Variants in PRUNE2 observed in about 807,000 individuals in gnomAD.
PRUNE2 encodes the protein prune homolog 2 with BCH domain, also known as protein prune homolog 2.
A neutral mutation model predicts 252.0 loss-of-function variants in PRUNE2; 164 were observed. That is an observed-to-expected ratio of 0.65 (90% CI 0.57 to 0.74). The LOEUF is 0.74. Among genes scored for constraint, PRUNE2 ranks in the 30% least tolerant of loss-of-function variants. The pLI is 0.00. For missense variants in PRUNE2, 3,495 were observed against 3,711.0 expected (o/e 0.94, Z 1.51); for synonymous variants, 1,292 against 1,350.2 (o/e 0.96, Z 0.94).
At chr9:76,793,855 A>C (rs1339378282) in intron 6 of PRUNE2, among the ~76,000 whole-genome samples, 2 of 152,128 alleles carry the variant, frequency 1.3e-5, no homozygotes, top group Non-Finnish European at 2.9e-5. Flanking sequence ...TTTAATTCCC[A>C]TTTCATAGTT....
intron 3 of PRUNE2, among the ~76,000 whole-genome samples, chr9:76,849,804 C>T (rs963799929): frequency 2.6e-5 from 4 of 151,568 alleles, no homozygotes; most frequent in Non-Finnish European, 4.4e-5. Flanking sequence ...CCAGCCTGGG[C>T]GAGAGATCGA....
chr9:76,694,182 T>C (rs1480718467), intron 9 of PRUNE2, among the ~76,000 whole-genome samples: 1 of 147,552 alleles, frequency 6.8e-6, no homozygotes, highest in African/African-American at 2.7e-5. Context: ...TTTGTTTCGT[T>C]TTTTTTTTGA....
chr9:76,659,242 A>G (rs1850373255), intron 9 of PRUNE2, among the ~76,000 whole-genome samples: 2 of 152,190 alleles, frequency 1.3e-5, no homozygotes, highest in African/African-American at 4.8e-5. Flanking sequence ...GCTGGCCTTT[A>G]TTGTTTCAAA....
intron 6 of PRUNE2, among the ~76,000 whole-genome samples, chr9:76,756,878 T>C (rs767835459): frequency 3.0e-4 from 43 of 141,108 alleles, no homozygotes; most frequent in Admixed American, 3.6e-4. Flanking sequence ...TAAACTGCAG[T>C]ATTTGCAGCA....
intron 6 of PRUNE2, among the ~76,000 whole-genome samples, chr9:76,727,435 C>T (rs1006691126): frequency 6.6e-6 from 1 of 152,102 alleles, no homozygotes; most frequent in African/African-American, 2.4e-5. Context: ...TTTCCTTTTT[C>T]GAAGCCAGTA....
chr9:76,869,633 C>T lies in PRUNE2; in HGVS notation c.37-15425G>A, dbSNP rs866701436. 5.3e-5 allele frequency among the ~76,000 whole-genome samples: 8 copies of T among 152,234 alleles called. No homozygotes were observed. The East Asian group carries it at 5.8e-4, about 11-fold the overall frequency. On this transcript the variant is annotated intron_variant, in intron 1 of 18. Coordinates refer to ENST00000376718, the MANE Select transcript of PRUNE2 (RefSeq NM_015225.3). The stretch of plus-strand genomic sequence containing the variant: ...AGATGCAGCAAGATATAGAAATGCA[C>T]GCATATATAAATTCCATATTATTTC...
At chr9:76,858,549 G>A (rs371287872) in intron 1 of PRUNE2, among the ~76,000 whole-genome samples, 1 of 152,096 alleles carries the variant, frequency 6.6e-6, no homozygotes, top group Admixed American at 6.6e-5. Context: ...ATAAGTGGGA[G>A]TTGAGCAATG....
Position 76,642,001 on chromosome 9 carries a change from T to TAA in PRUNE2, c.8728+2736_8728+2737dup, listed in dbSNP as rs369258212. ...ATCTCCTATAATGAAATAAGAGAAG[T>TAA]AAAAAAAAAAAAAAAAGAAAAGAAA... On this transcript the variant is annotated intron_variant, in intron 12 of 18. Transcript: ENST00000376718. 4,034 of 1,007,722 alleles carry TAA rather than the reference T, an allele frequency of 4.0e-3. 14 individuals carry two copies. Among genetic ancestry groups the TAA allele is most frequent in the East Asian group, 0.025 (903 of 35,740 alleles). 62.4% of individuals were successfully genotyped at this position (1,007,722 alleles called of 1,614,324 possible). A position where few individuals can be genotyped will look rare whatever the true frequency, so the allele number is the denominator to read the frequency against.
At chr9:76,859,156 C>T (rs28729552) in intron 1 of PRUNE2, among the ~76,000 whole-genome samples, 4,873 of 152,270 alleles carry the variant, frequency 0.032, 252 homozygotes, top group African/African-American at 0.11. Flanking sequence ...TCTAGATACA[C>T]TTCCAAAATA....
rs561691989 is a variant in PRUNE2 at position 76,774,142 on chromosome 9, A to C, written c.756+49490T>G. Among the ~76,000 whole-genome samples the C allele has an allele frequency of 6.6e-5, 10 of 152,220 alleles. No homozygotes were observed. The East Asian group carries it at 1.9e-3, about 29-fold the overall frequency. ...TCTTTTTTATTTTTTAATTTTAAAA[A>C]AATATTTTTTTGACACAGGGTCTCA... On this transcript the variant is annotated intron_variant, in intron 6 of 18. Transcript: ENST00000376718.
Position 76,637,522 on chromosome 9 carries a change from C to A in PRUNE2, c.8859G>T (p.Met2953Ile), listed in dbSNP as rs1254880792. Residue 2953 changes from methionine to isoleucine, a missense_variant, in exon 14 of 19, where the codon ATG becomes ATT. Physicochemically the swap from Met to Ile is conservative, Grantham distance 10. Transcript: ENST00000376718. ...FLYVISTLEL[M>I]VAEDYMIVYL... ...ACACAATCATATAGTCTTCAGCTAC[C>A]ATCAACTCTAAAGTACTTATTACAT... 1.2e-6 allele frequency: 2 copies of A among 1,613,182 alleles called. No individual in the cohort carries two copies. The highest frequency in any genetic ancestry group is 8.5e-7 in the Non-Finnish European group (1 of 1,179,572).
At chr9:76,905,897 G>GCA (rs763398853) in intron 1 of PRUNE2, 31 bp downstream of exon 1, 3 of 1,612,814 alleles carry the variant, frequency 1.9e-6, no homozygotes, top group South Asian at 1.1e-5. Context: ...ACGCGCGCGC[G>GCA]CACACACACA....
chr9:76,727,568 A>G (rs2135360679), intron 6 of PRUNE2, among the ~76,000 whole-genome samples: 1 of 152,188 alleles, frequency 6.6e-6, no homozygotes, highest in Admixed American at 6.5e-5. Context: ...AAGATTTTAT[A>G]AAACATCTAC....
At chr9:76,846,980 A>T (rs2059701415) in intron 3 of PRUNE2, among the ~76,000 whole-genome samples, 1 of 152,206 alleles carries the variant, frequency 6.6e-6, no homozygotes, top group Non-Finnish European at 1.5e-5. Flanking sequence ...GGATACTATT[A>T]TAAATACTTT....
intron 6 of PRUNE2, chr9:76,740,511 C>T (rs2135553522): frequency 6.6e-6 from 1 of 150,528 alleles, no homozygotes; most frequent in African/African-American, 2.4e-5. Context: ...CAACACGAGT[C>T]AATTCAAAGA....
intron 18 of PRUNE2, among the ~76,000 whole-genome samples, chr9:76,616,450 G>A (rs1016303379): frequency 2.6e-5 from 4 of 152,120 alleles, no homozygotes; most frequent in East Asian, 1.9e-4. Context: ...GGGGCACATC[G>A]TCTAAAAACT....
rs1034086704 is a variant in PRUNE2, at chr9:76,709,977, G to A, written c.2297C>T (p.Ala766Val). 6.2e-7 allele frequency: 1 copy of A among 1,613,694 alleles called. No individual in the cohort carries two copies. The highest frequency in any genetic ancestry group is 1.1e-5 in the South Asian group (1 of 91,006). ...QGTNHLIEDF[A>V]SLWHSGRSPT... ...AGAGCGACCAGAATGCCACAAAGAA[G>A]CAAAGTCTTCTATCAGGTGGTTTGT... Residue 766 changes from alanine to valine, a missense_variant, in exon 8 of 19, where the codon GCT becomes GTT. Physicochemically the swap from Ala to Val is moderately conservative, Grantham distance 64 (BLOSUM62 0). Coordinates refer to ENST00000376718, the MANE Select transcript of PRUNE2 (RefSeq NM_015225.3).
At position 76,705,657 on chromosome 9, in the gene PRUNE2, G is replaced by A. The variant is rs747616410; in HGVS notation, c.6617C>T (p.Ser2206Leu). 9 of 1,614,010 alleles carry A rather than the reference G, an allele frequency of 5.6e-6. No homozygotes were observed. Among genetic ancestry groups the A allele is most frequent in the African/African-American group, 5.3e-5 (4 of 75,054 alleles). The change falls in exon 8 of 19, where the codon TCA becomes TTA. Residue 2206 changes from serine to leucine, a missense_variant. Ser to Leu is a moderately radical substitution (Grantham distance 145, BLOSUM62 -2). Coordinates refer to ENST00000376718, the MANE Select transcript of PRUNE2 (RefSeq NM_015225.3). The stretch of plus-strand genomic sequence containing the variant: ...CATATCTGGGCTGGCTCCTTTTTCT[G>A]ATACTTGTAAACCTGTACTGTTGTC... ...NGDNSTGLQV[S>L]EKGASPDMAP... is the part of the protein sequence containing the mutation.
rs370042861 is a variant in PRUNE2, at chr9:76,707,557, G to C, written c.4717C>G (p.Gln1573Glu). 1.6e-5 allele frequency: 26 copies of C among 1,613,894 alleles called. No homozygotes were observed. In the African/African-American group the frequency reaches 3.2e-4, roughly 20 times the overall value. Residue 1573 changes from glutamine to glutamate, a missense_variant, in exon 8 of 19, where the codon CAA becomes GAA. Coordinates refer to ENST00000376718, the MANE Select transcript of PRUNE2 (RefSeq NM_015225.3). The stretch of plus-strand genomic sequence containing the variant: ...TGATTCTGTTCACTCCAGTTGCCTT[G>C]GTTTTCTTCTTGATACCCAGAACTG... ...QPSSGYQEENQGNWSEQNHQE... is the reference protein window; with the variant it reads ...QPSSGYQEENEGNWSEQNHQE...
Sources: gnomAD v4.1 joint callset for allele counts (sites outside exome capture counted in the v4.1 genomes callset) on GRCh38, gnomAD v4.1.1 for gene constraint, MANE v1.5 for transcripts, NCBI Gene and HGNC (gene_info 2026-07-23, HGNC 2026-07-21) for gene names.